RNGTT: variants seen among roughly 807,000 people sequenced by gnomAD.
RNGTT encodes RNA guanylyltransferase and 5'-phosphatase.
In RNGTT, 33 loss-of-function variants were observed where a neutral mutation model predicts 79.3. That is an observed-to-expected ratio of 0.42 (90% CI 0.32 to 0.56). The LOEUF (loss-of-function observed/expected upper bound fraction) is 0.56. RNGTT is among the 20% of genes least tolerant of loss of function. The probability of loss-of-function intolerance (pLI) is 0.17; values close to 1 mark genes in which losing one functional copy is unlikely to be tolerated. For synonymous variants in RNGTT, 222 were observed against 235.9 expected (o/e 0.94, Z 0.54); for missense variants, 497 against 739.1 (o/e 0.67, Z 3.80).
intron 11 of RNGTT, among the ~76,000 whole-genome samples, chr6:88,836,044 T>C (rs200095989): frequency 1.3e-5 from 1 of 77,040 alleles, no homozygotes; most frequent in South Asian, 3.7e-4. Context: ...AAGATTTACA[T>C]ATATATATAT....
At chr6:88,935,574 A>T (rs897301173) in intron 2 of RNGTT, among the ~76,000 whole-genome samples, 10 of 152,156 alleles carry the variant, frequency 6.6e-5, no homozygotes, top group African/African-American at 9.7e-5. Flanking sequence ...TAATAAAATT[A>T]AAAAGTTAGG....
At chr6:88,715,502 T>G (rs369133024) in intron 13 of RNGTT, among the ~76,000 whole-genome samples, 1 of 152,044 alleles carries the variant, frequency 6.6e-6, no homozygotes, top group South Asian at 2.1e-4. Flanking sequence ...GAGCCCGCAT[T>G]GCCAAGTCAA....
intron 8 of RNGTT, among the ~76,000 whole-genome samples, chr6:88,859,430 G>A (rs1208626621): frequency 6.6e-6 from 1 of 152,282 alleles, no homozygotes; most frequent in South Asian, 2.1e-4. Context: ...AAAGAGGTCT[G>A]TTATTGAAAA....
intron 13 of RNGTT, among the ~76,000 whole-genome samples, chr6:88,750,520 A>G (rs1337454015): frequency 6.6e-6 from 1 of 152,188 alleles, no homozygotes; most frequent in Non-Finnish European, 1.5e-5. Context: ...ATATGTTGAC[A>G]GTCTCTATCT....
chr6:88,961,160 C>A (rs1347600546), intron 1 of RNGTT, among the ~76,000 whole-genome samples: 1 of 152,182 alleles, frequency 6.6e-6, no homozygotes, highest in Non-Finnish European at 1.5e-5. Flanking sequence ...CAGCCTACAT[C>A]TTTGTCCTGT....
chr6:88,902,298 G>A (rs73506527), intron 6 of RNGTT, among the ~76,000 whole-genome samples: 1,868 of 152,200 alleles, frequency 0.012, 39 homozygotes, highest in African/African-American at 0.043. Context: ...TGGAATAAAA[G>A]ATTGTAAAAT....
At chr6:88,649,776 T>C (rs1562170791) in intron 14 of RNGTT, among the ~76,000 whole-genome samples, 1 of 151,812 alleles carries the variant, frequency 6.6e-6, no homozygotes. Flanking sequence ...ATAAAGACTA[T>C]AGAGTGTAAG....
At chr6:88,928,751 T>C (rs918780477) in intron 4 of RNGTT, among the ~76,000 whole-genome samples, 9 of 152,310 alleles carry the variant, frequency 5.9e-5, no homozygotes, top group African/African-American at 1.9e-4. Context: ...TAGGATAGAC[T>C]TTCCCAACAG....
chr6:88,886,027 C>T (rs546124176), intron 8 of RNGTT, among the ~76,000 whole-genome samples: 10 of 152,268 alleles, frequency 6.6e-5, no homozygotes, highest in African/African-American at 1.9e-4. Flanking sequence ...TTGCAGAGGC[C>T]GGGCGCGGTG....
rs1277987353 is a variant in RNGTT at position 88,653,210 on chromosome 6, T to G, written c.1506+25143A>C. 6.6e-5 allele frequency among the ~76,000 whole-genome samples: 10 copies of G among 152,346 alleles called. No homozygotes were observed. In the East Asian group the frequency reaches 1.3e-3, roughly 21 times the overall value. On this transcript the variant is annotated intron_variant, in intron 14 of 15. Coordinates refer to ENST00000369485, the MANE Select transcript of RNGTT (RefSeq NM_003800.5). Reference sequence around the variant, plus strand: ...AAAATAGGAGGTCCACTGACTGCACTGTAAATACCTAAGTAGGTAAAGTAT... The same window carrying G: ...AAAATAGGAGGTCCACTGACTGCACGGTAAATACCTAAGTAGGTAAAGTAT...
At chr6:88,831,635 C>T (rs1780870493) in intron 11 of RNGTT, among the ~76,000 whole-genome samples, 1 of 152,004 alleles carries the variant, frequency 6.6e-6, no homozygotes, top group Non-Finnish European at 1.5e-5. Flanking sequence ...AATAAGAAGA[C>T]TGGAAGTCAA....
chr6:88,927,056 C>A (rs1378803693), intron 4 of RNGTT, among the ~76,000 whole-genome samples: 2 of 151,374 alleles, frequency 1.3e-5, no homozygotes, highest in East Asian at 1.9e-4. Flanking sequence ...TAAAATCAAA[C>A]AAGACACAAA....
At chr6:88,638,033 A>G (rs1347269192) in intron 14 of RNGTT, among the ~76,000 whole-genome samples, 1 of 152,114 alleles carries the variant, frequency 6.6e-6, no homozygotes, top group Non-Finnish European at 1.5e-5. Context: ...TTGGATGACA[A>G]ATCACCCTTG....
At chr6:88,777,610 G>A (rs934152393) in intron 12 of RNGTT, among the ~76,000 whole-genome samples, 3 of 152,098 alleles carry the variant, frequency 2.0e-5, no homozygotes, top group African/African-American at 4.8e-5. Context: ...CAGATAGGCT[G>A]TTATCGATTG....
chr6:88,774,295 T>C (rs915326623), intron 12 of RNGTT, among the ~76,000 whole-genome samples: 5 of 149,116 alleles, frequency 3.4e-5, no homozygotes, highest in South Asian at 2.2e-4. Flanking sequence ...AGGGTGACTA[T>C]AATTTAGAAA....
intron 12 of RNGTT, among the ~76,000 whole-genome samples, chr6:88,772,004 C>T (rs1778700117): frequency 6.6e-6 from 1 of 151,904 alleles, no homozygotes; most frequent in African/African-American, 2.4e-5. Flanking sequence ...AAAGCAAGAC[C>T]TTATCTCTAC....
intron 13 of RNGTT, among the ~76,000 whole-genome samples, chr6:88,722,746 G>A (rs942977767): frequency 1.3e-5 from 2 of 152,154 alleles, no homozygotes; most frequent in Non-Finnish European, 2.9e-5. Context: ...AGTAACTATA[G>A]TCATGAGCCT....
At chr6:88,621,427 T>C (rs1197629519) in intron 14 of RNGTT, among the ~76,000 whole-genome samples, 1 of 152,202 alleles carries the variant, frequency 6.6e-6, no homozygotes, top group African/African-American at 2.4e-5. Context: ...CTTGTACTGT[T>C]GATAGCTGGT....
chr6:88,623,103 G>C (rs945896110), intron 14 of RNGTT, among the ~76,000 whole-genome samples: 1 of 151,966 alleles, frequency 6.6e-6, no homozygotes, highest in Non-Finnish European at 1.5e-5. Flanking sequence ...AGGAGGGAGG[G>C]AAGGCAGTAG....
Sources: allele counts gnomAD v4.1 joint callset (sites outside exome capture counted in the v4.1 genomes callset), GRCh38; gene constraint gnomAD v4.1.1; transcripts MANE v1.5; gene names NCBI Gene and HGNC (gene_info 2026-07-23, HGNC 2026-07-21).